Variants in CPNE4 observed in about 807,000 individuals in gnomAD.
CPNE4 encodes copine-4.
A neutral mutation model predicts 67.9 loss-of-function variants in CPNE4; 25 were observed. The observed-to-expected ratio is 0.37, with a 90% CI of 0.27 to 0.51. CPNE4 has a LOEUF of 0.51. Ranked by LOEUF, CPNE4 falls within the 20% of genes least tolerant of loss-of-function variation. The pLI is 0.93. For missense variants in CPNE4, 464 were observed against 690.8 expected (o/e 0.67, Z 3.68); for synonymous variants, 242 against 244.9 (o/e 0.99, Z 0.11).
At chr3:131,615,803 G>A (rs1940101421) in intron 7 of CPNE4, among the ~76,000 whole-genome samples, 1 of 151,854 alleles carries the variant, frequency 6.6e-6, no homozygotes, top group South Asian at 2.1e-4. Context: ...AGAATTGCTT[G>A]AACCTTGGAG....
At chr3:131,556,939 C>G (rs1453726003) in intron 11 of CPNE4, among the ~76,000 whole-genome samples, 1 of 152,104 alleles carries the variant, frequency 6.6e-6, no homozygotes, top group Non-Finnish European at 1.5e-5. Flanking sequence ...GGAAGCTTCA[C>G]CTACTTATTA....
At chr3:132,001,151 A>T (rs1174368002) in intron 1 of CPNE4, among the ~76,000 whole-genome samples, 1 of 152,058 alleles carries the variant, frequency 6.6e-6, no homozygotes, top group Non-Finnish European at 1.5e-5. Flanking sequence ...GAATATTATC[A>T]CTGATCAAAA....
intron 1 of CPNE4, among the ~76,000 whole-genome samples, chr3:131,944,153 T>G (rs912112311): frequency 8.5e-5 from 13 of 152,084 alleles, no homozygotes; most frequent in South Asian, 6.2e-4. Flanking sequence ...TAACACTGTC[T>G]TGCAAGGTTA....
In CPNE4 at chr3:131,959,800, CA is replaced by C. The variant is rs2072111941; in HGVS notation, c.-1-54357del. 2.6e-5 allele frequency among the ~76,000 whole-genome samples: 4 copies of C among 152,166 alleles called. No homozygotes were observed. In the South Asian group the frequency reaches 6.2e-4, roughly 24 times the overall value. Reference sequence around the variant, plus strand: ...CCACTCCCTGAGCTGCCCACTCACACAAAGCCACCTAAATTAAAACATAATA... The same window carrying C: ...CCACTCCCTGAGCTGCCCACTCACACAAGCCACCTAAATTAAAACATAATA... On this transcript the variant is annotated intron_variant, in intron 1 of 15. Transcript: ENST00000429747.
intron 2 of CPNE4, among the ~76,000 whole-genome samples, chr3:131,874,123 C>T (rs1482996872): frequency 2.7e-5 from 4 of 149,980 alleles, no homozygotes; most frequent in Non-Finnish European, 4.4e-5. Context: ...GAATTTCGCT[C>T]TGTCGCCCAG....
intron 15 of CPNE4, among the ~76,000 whole-genome samples, chr3:131,537,873 G>A (rs936984073): frequency 1.3e-5 from 2 of 152,096 alleles, no homozygotes; most frequent in South Asian, 2.1e-4. Flanking sequence ...AGAAAAATAC[G>A]TTCTATTTGT....
At chr3:131,866,985 A>G (rs533846986) in intron 2 of CPNE4, among the ~76,000 whole-genome samples, 2 of 152,210 alleles carry the variant, frequency 1.3e-5, no homozygotes, top group Admixed American at 1.3e-4. Flanking sequence ...AGGCCAAAAC[A>G]GGAATAAGAC....
intron 1 of CPNE4, among the ~76,000 whole-genome samples, chr3:131,970,452 G>GC (rs2072471813): frequency 6.6e-6 from 1 of 152,086 alleles, no homozygotes; most frequent in Non-Finnish European, 1.5e-5. Flanking sequence ...TTTCCCTCTT[G>GC]CATTTTTTTC....
At position 131,695,762 on chromosome 3, in the gene CPNE4, T is replaced by C. The variant is rs567533857; in HGVS notation, c.507+780A>G. Among the ~76,000 whole-genome samples, 4 of 152,332 alleles carry C rather than the reference T, an allele frequency of 2.6e-5. No homozygotes were observed. In the East Asian group the frequency reaches 7.7e-4, roughly 29 times the overall value. On this transcript the variant is annotated intron_variant, in intron 5 of 15. Coordinates refer to ENST00000429747, the MANE Select transcript of CPNE4 (RefSeq NM_130808.3). ...CAGTCTGTGATGGTTTCATATAATC[T>C]ATTCAAGACACTTTTAAAATCCAAA...
At chr3:131,775,319 T>G (rs958419) in intron 2 of CPNE4, among the ~76,000 whole-genome samples, 142,361 of 152,138 alleles carry the variant, frequency 0.94, 67,229 homozygotes, top group East Asian at 1. Flanking sequence ...ATGTTTCAGT[T>G]ATCATTTTCT....
chr3:131,583,047 T>C (rs1354637801), intron 8 of CPNE4, among the ~76,000 whole-genome samples: 1 of 152,294 alleles, frequency 6.6e-6, no homozygotes, highest in Middle Eastern at 3.4e-3. Flanking sequence ...GGCAACTACA[T>C]AGGATTTGGA....
intron 15 of CPNE4, among the ~76,000 whole-genome samples, chr3:131,538,518 C>T (rs1191208297): frequency 6.6e-6 from 1 of 152,244 alleles, no homozygotes. Context: ...ATGGACCAGG[C>T]ACTATCTTAA....
intron 2 of CPNE4, among the ~76,000 whole-genome samples, chr3:131,804,762 C>T (rs1461240274): frequency 6.6e-6 from 1 of 152,228 alleles, no homozygotes; most frequent in Non-Finnish European, 1.5e-5. Flanking sequence ...AACTATTCCA[C>T]TGCCATGTGA....
chr3:131,956,830 T>C (rs2071988239), intron 1 of CPNE4, among the ~76,000 whole-genome samples: 2 of 152,178 alleles, frequency 1.3e-5, no homozygotes, highest in African/African-American at 4.8e-5. Context: ...TAATTTTGTT[T>C]TAGAATGGAG....
At chr3:131,906,359 C>T (rs1437488663) in intron 1 of CPNE4, among the ~76,000 whole-genome samples, 1 of 150,624 alleles carries the variant, frequency 6.6e-6, no homozygotes, top group Non-Finnish European at 1.5e-5. Context: ...CCCATTAACT[C>T]ATCATTTAGC....
chr3:131,893,155 G>A (rs542144792), intron 2 of CPNE4, among the ~76,000 whole-genome samples: 1 of 152,036 alleles, frequency 6.6e-6, no homozygotes, highest in Non-Finnish European at 1.5e-5. Context: ...ATTCCATGCA[G>A]ACAGAGACAA....
At chr3:132,031,800 A>G (rs2074242058) in intron 1 of CPNE4, among the ~76,000 whole-genome samples, 1 of 152,200 alleles carries the variant, frequency 6.6e-6, no homozygotes, top group African/African-American at 2.4e-5. Context: ...TTCCACCATT[A>G]ACCCATTTTT....
chr3:131,763,959 T>C (rs2082949594), intron 2 of CPNE4, among the ~76,000 whole-genome samples: 1 of 152,014 alleles, frequency 6.6e-6, no homozygotes, highest in Non-Finnish European at 1.5e-5. Flanking sequence ...TGTGCCAGGG[T>C]CTCTAAGCAT....
intron 2 of CPNE4, among the ~76,000 whole-genome samples, chr3:131,898,858 T>C (rs910478166): frequency 6.6e-6 from 1 of 152,108 alleles, no homozygotes. Context: ...TAAAAAATTA[T>C]TCTTATTAAG....
Sources: allele counts gnomAD v4.1 joint callset (sites outside exome capture counted in the v4.1 genomes callset), GRCh38; gene constraint gnomAD v4.1.1; transcripts MANE v1.5; gene names NCBI Gene and HGNC (gene_info 2026-07-23, HGNC 2026-07-21).